TYW5: variants seen among roughly 807,000 people sequenced by gnomAD.
TYW5 encodes the protein tRNA-yW synthesizing protein 5.
A neutral mutation model predicts 44.4 loss-of-function variants in TYW5; 36 were observed. The observed-to-expected ratio is 0.81, with a 90% CI of 0.62 to 1.07. The LOEUF (loss-of-function observed/expected upper bound fraction) is 1.07, where lower values mean the gene tolerates loss of function less well. Ranked by LOEUF, TYW5 falls within the 50% of genes least tolerant of loss-of-function variation. TYW5 has a pLI of 0.00. For synonymous variants in TYW5, 121 were observed against 128.1 expected, an observed-to-expected ratio of 0.94 and a Z score of 0.37; for missense variants, 354 against 365.7, an observed-to-expected ratio of 0.97 and a Z score of 0.26.
chr2:199,935,888 C>A, intron 7 of TYW5, 43 bp downstream of exon 7: 1 of 1,262,508 alleles, frequency 7.9e-7, no homozygotes, highest in Non-Finnish European at 1.1e-6. Context: ...TGACAGAGTA[C>A]ACATTTTATA....
chr2:199,933,324 C>T lies in TYW5; in HGVS notation c.692-1G>A. The stretch of plus-strand genomic sequence containing the variant: ...GAAATTACATTATGGAACCATAAAG[C>T]TGGAGAAAGTTTAAAAAACAAGTTA... On this transcript the variant is annotated splice_acceptor_variant, in intron 7 of 7. Coordinates refer to ENST00000354611, the MANE Select transcript of TYW5 (RefSeq NM_001039693.3). LOFTEE classifies it high-confidence loss of function. 1 of 1,583,492 alleles carries T rather than the reference C, an allele frequency of 6.3e-7. No homozygotes were observed. Among genetic ancestry groups the T allele is most frequent in the Non-Finnish European group, 8.6e-7 (1 of 1,169,266 alleles).
intron 6 of TYW5, 126 bp downstream of exon 6, chr2:199,936,279 A>G: frequency 1.2e-6 from 1 of 814,094 alleles, no homozygotes; most frequent in Non-Finnish European, 1.9e-6. Flanking sequence ...ACCTGTTATT[A>G]CATATATACA....
chr2:199,939,950 C>T, intron 4 of TYW5, 139 bp downstream of exon 4: 1 of 814,902 alleles, frequency 1.2e-6, no homozygotes, highest in Non-Finnish European at 2.0e-6. Context: ...TATTCAGGGG[C>T]ACAAATCACT....
intron 3 of TYW5, chr2:199,943,553 C>A: frequency 2.2e-6 from 1 of 455,766 alleles, no homozygotes; most frequent in Non-Finnish European, 3.9e-6. Context: ...CCCCATTTCA[C>A]AGATGAGTAT....
At chr2:199,938,815 T>C in intron 5 of TYW5, 118 bp downstream of exon 5, 1 of 1,103,100 alleles carries the variant, frequency 9.1e-7, no homozygotes, top group South Asian at 2.0e-5. Flanking sequence ...TCAAAAGTCA[T>C]GTTTCAGCAA....
chr2:199,938,205 C>T (rs2077436712), intron 5 of TYW5, among the ~76,000 whole-genome samples: 1 of 151,986 alleles, frequency 6.6e-6, no homozygotes, highest in Non-Finnish European at 1.5e-5. Context: ...GCTGGGACTA[C>T]AGGCACCCGC....
In TYW5 at chr2:199,933,292, C is replaced by A. The variant is rs1350624913; in HGVS notation, c.723G>T (p.Glu241Asp). 6.2e-7 allele frequency: 1 copy of A among 1,613,452 alleles called. No individual in the cohort carries two copies. Among genetic ancestry groups the A allele is most frequent in the Non-Finnish European group, 8.5e-7 (1 of 1,179,832 alleles). The change falls in exon 8 of 8, where the codon GAG becomes GAT. Residue 241 changes from glutamate (E) to aspartate (D), a missense_variant. Transcript: ENST00000354611. The stretch of plus-strand genomic sequence containing the variant: ...AAAAGATATTCACTCCCACTCCAAA[C>A]TCTTCAGAAATTACATTATGGAACC... ...ALWFHNVISE[E>D]FGVGVNIFWK...
chr2:199,946,598 C>A (rs2077505850), intron 2 of TYW5: 1 of 152,192 alleles, frequency 6.6e-6, no homozygotes, highest in Admixed American at 6.5e-5. Context: ...AGTAAAAGTT[C>A]ATACCTGTTA....
At chr2:199,942,713 T>C (rs1286639855) in intron 3 of TYW5, 1 of 152,126 alleles carries the variant, frequency 6.6e-6, no homozygotes, top group African/African-American at 2.4e-5. Context: ...AGTAATCTAG[T>C]ATAACTATTA....
At chr2:199,936,611 A>G (rs2077423169) in intron 5 of TYW5, 119 bp from the exon 6 acceptor site, 1 of 742,622 alleles carries the variant, frequency 1.3e-6, no homozygotes, top group East Asian at 2.5e-5. Flanking sequence ...CTTACTTAAG[A>G]CTCTTACAGT....
intron 4 of TYW5, 136 bp from the exon 5 acceptor site, chr2:199,939,206 ATCTT>A: frequency 1.4e-6 from 1 of 711,172 alleles, no homozygotes; most frequent in South Asian, 3.1e-5. Context: ...CTCTCTCTCT[ATCTT>A]TCTCTCTCTC....
intron 3 of TYW5, chr2:199,942,916 G>A (rs1411521417): frequency 6.7e-6 from 1 of 148,934 alleles, no homozygotes; most frequent in African/African-American, 2.5e-5. Flanking sequence ...AGAGTGCAAT[G>A]GCGCAATCTA....
At chr2:199,949,523 GTC>G (rs1316706821) in intron 1 of TYW5, among the ~76,000 whole-genome samples, 13 of 152,150 alleles carry the variant, frequency 8.5e-5, no homozygotes, top group Admixed American at 1.3e-4. Flanking sequence ...CAGTTGCTAT[GTC>G]TCTTTTAATC....
intron 7 of TYW5, among the ~76,000 whole-genome samples, chr2:199,933,986 TA>T (rs2077400587): frequency 6.6e-6 from 1 of 151,188 alleles, no homozygotes; most frequent in South Asian, 2.1e-4. Flanking sequence ...TTGGGAAATT[TA>T]CTTTATTTTC....
Position 199,933,274 on chromosome 2 carries a change from A to G in TYW5, c.741T>C (p.Asn247=), listed in dbSNP as rs760697956. 6.8e-6 allele frequency: 11 copies of G among 1,614,026 alleles called. No individual in the cohort carries two copies. The East Asian group carries it at 2.5e-4, about 36-fold the overall frequency. ...CAGATGGAAGGTGCTTCCAAAAGAT[A>G]TTCACTCCCACTCCAAACTCTTCAG... ...VISEEFGVGV[N]IFWKHLPSEC... The change falls in exon 8 of 8, where the codon AAT becomes AAC. Residue 247 remains asparagine, a synonymous_variant. Transcript: ENST00000354611.
intron 1 of TYW5, among the ~76,000 whole-genome samples, chr2:199,952,529 C>G (rs2077553949): frequency 6.6e-6 from 1 of 152,112 alleles, no homozygotes; most frequent in African/African-American, 2.4e-5. Flanking sequence ...AGCCTTTTAC[C>G]CCCTTTTGAA....
rs1190417246 is a variant in TYW5 at position 199,933,116 on chromosome 2, C to T, written c.899G>A (p.Arg300Gln). 1.5e-5 allele frequency: 25 copies of T among 1,614,010 alleles called. No individual in the cohort carries two copies. The highest frequency in any genetic ancestry group is 2.2e-5 in the East Asian group (1 of 44,884). Reference protein sequence around the residue: ...PEEYRDFYARRMVLHIQDKAY... With the variant: ...PEEYRDFYARQMVLHIQDKAY... ...TTTGTCTTGAATGTGTAGGACCATT[C>T]GTCGTGCATAGAAGTCCCTATATTC... The change falls in exon 8 of 8, where the codon CGA (arginine) becomes CAA (glutamine). Residue 300 changes from arginine to glutamine, a missense_variant. Arg to Gln is a conservative substitution (Grantham distance 43). Coordinates refer to ENST00000354611, the MANE Select transcript of TYW5 (RefSeq NM_001039693.3).
intron 6 of TYW5, 56 bp from the exon 7 acceptor site, chr2:199,936,103 A>C: frequency 2.0e-6 from 2 of 1,023,114 alleles, no homozygotes; most frequent in Non-Finnish European, 3.0e-6. Flanking sequence ...ATTTTAAAAA[A>C]AGTAATCACA....
chr2:199,938,813 C>T, intron 5 of TYW5, 120 bp downstream of exon 5: 1 of 1,079,962 alleles, frequency 9.3e-7, no homozygotes, highest in Admixed American at 2.9e-5. Context: ...TTTCAAAAGT[C>T]ATGTTTCAGC....
Sources: allele counts gnomAD v4.1 joint callset (sites outside exome capture counted in the v4.1 genomes callset), GRCh38; gene constraint gnomAD v4.1.1; transcripts MANE v1.5; gene names NCBI Gene and HGNC (gene_info 2026-07-23, HGNC 2026-07-21).